DYRK1A: variants seen among roughly 807,000 people sequenced by gnomAD.
The protein encoded by DYRK1A is dual specificity tyrosine phosphorylation regulated kinase 1A.
In DYRK1A, 9 loss-of-function variants were observed where a neutral mutation model predicts 79.7. That is an observed-to-expected ratio of 0.11 (90% confidence interval 0.07 to 0.20). The LOEUF (loss-of-function observed/expected upper bound fraction) is 0.20. Ranked by LOEUF, DYRK1A falls within the 10% of genes least tolerant of loss-of-function variation. DYRK1A has a pLI of 1.00. For missense variants in DYRK1A, 622 were observed against 956.0 expected (o/e 0.65, Z 4.61); for synonymous variants, 349 against 329.7 (o/e 1.06, Z -0.63).
At chr21:37,472,044 G>A (rs934395114) in intron 2 of DYRK1A, among the ~76,000 whole-genome samples, 1 of 152,074 alleles carries the variant, frequency 6.6e-6, no homozygotes, top group Non-Finnish European at 1.5e-5. Context: ...GATAATTATT[G>A]GTTATTTTTT....
At chr21:37,453,323 T>G (rs1290301375) in intron 2 of DYRK1A, among the ~76,000 whole-genome samples, 2 of 152,230 alleles carry the variant, frequency 1.3e-5, no homozygotes, top group African/African-American at 4.8e-5. Flanking sequence ...TAGCCACATA[T>G]GACTATTGTT....
At chr21:37,474,078 A>G (rs1250183645) in intron 3 of DYRK1A, among the ~76,000 whole-genome samples, 1 of 152,190 alleles carries the variant, frequency 6.6e-6, no homozygotes. Context: ...TTCACAGCTG[A>G]AAGGACTGCG....
chr21:37,507,138 C>T (rs13052269), intron 11 of DYRK1A, among the ~76,000 whole-genome samples: 6,460 of 152,278 alleles, frequency 0.042, 176 homozygotes, highest in Middle Eastern at 0.092. Flanking sequence ...CAGGAACTCT[C>T]TCCACTTTGT....
chr21:37,437,813 ATTG>A (rs1404995778), intron 2 of DYRK1A, among the ~76,000 whole-genome samples: 1 of 152,188 alleles, frequency 6.6e-6, no homozygotes, highest in Non-Finnish European at 1.5e-5. Context: ...TGCTATGAAT[ATTG>A]TTGTACAACT....
At chr21:37,387,737 A>G (rs942409510) in intron 1 of DYRK1A, among the ~76,000 whole-genome samples, 4 of 152,190 alleles carry the variant, frequency 2.6e-5, no homozygotes, top group Admixed American at 2.6e-4. Context: ...AAAAGGGTAC[A>G]TGGGAGGCTA....
intron 2 of DYRK1A, among the ~76,000 whole-genome samples, chr21:37,467,811 A>AGTAGTGTCT (rs1179721895): frequency 6.6e-6 from 1 of 152,126 alleles, no homozygotes; most frequent in East Asian, 1.9e-4. Flanking sequence ...AATATGTGAG[A>AGTAGTGTCT]GTAGTGTCTG....
At position 37,389,211 on chromosome 21, in the gene DYRK1A, G is replaced by GTA. The variant is rs75131809; in HGVS notation, c.-77+21596_-77+21597dup. On this transcript the variant is annotated intron_variant, in intron 1 of 11. Coordinates refer to ENST00000647188, the MANE Select transcript of DYRK1A (RefSeq NM_001347721.2). ...TCTCTCTCTCTCTTTTTTTAAAAAA[G>GTA]TATATATATATATAAACAAATACAT... is the stretch of plus-strand genomic sequence containing the variant. 1.4e-3 allele frequency among the ~76,000 whole-genome samples: 208 copies of GTA among 150,364 alleles called. 1 individual carries two copies. The East Asian group carries it at 0.023, about 16-fold the overall frequency.
At chr21:37,413,265 CTG>C (rs1013147645) in intron 1 of DYRK1A, among the ~76,000 whole-genome samples, 9 of 151,944 alleles carry the variant, frequency 5.9e-5, no homozygotes, top group Admixed American at 3.3e-4. Flanking sequence ...TGTTATTTTT[CTG>C]TGTTTCTGAG....
intron 1 of DYRK1A, among the ~76,000 whole-genome samples, chr21:37,408,215 C>A (rs1440501711): frequency 6.6e-6 from 1 of 152,156 alleles, no homozygotes; most frequent in Non-Finnish European, 1.5e-5. Flanking sequence ...CTTTAAATTT[C>A]TTTTAGTTAG....
intron 1 of DYRK1A, among the ~76,000 whole-genome samples, chr21:37,371,847 C>G (rs1042705734): frequency 6.6e-6 from 1 of 152,104 alleles, no homozygotes; most frequent in African/African-American, 2.4e-5. Context: ...AGCATCAACT[C>G]TATTTTAAAT....
chr21:37,424,633 T>C (rs1281666163), intron 2 of DYRK1A, among the ~76,000 whole-genome samples: 1 of 152,218 alleles, frequency 6.6e-6, no homozygotes, highest in Non-Finnish European at 1.5e-5. Context: ...TCCAGGGTAC[T>C]CAGAATGCTT....
chr21:37,383,062 A>T (rs1286782750), intron 1 of DYRK1A, among the ~76,000 whole-genome samples: 1 of 152,128 alleles, frequency 6.6e-6, no homozygotes, highest in Non-Finnish European at 1.5e-5. Flanking sequence ...CTAATTGTTC[A>T]CTTTCCCCAC....
At chr21:37,508,395 C>G (rs1358678106) in intron 11 of DYRK1A, among the ~76,000 whole-genome samples, 1 of 152,234 alleles carries the variant, frequency 6.6e-6, no homozygotes, top group Non-Finnish European at 1.5e-5. Context: ...TCAAGCGAGT[C>G]TCCTGCCTCA....
At chr21:37,506,001 G>T (rs1412398158) in intron 10 of DYRK1A, 98 bp from the exon 11 acceptor site, 1 of 1,365,278 alleles carries the variant, frequency 7.3e-7, no homozygotes, top group Admixed American at 2.3e-5. Flanking sequence ...GTGTGTGTGT[G>T]AGTACTTTCA....
At chr21:37,478,640 T>A (rs2052489381) in intron 4 of DYRK1A, among the ~76,000 whole-genome samples, 1 of 152,192 alleles carries the variant, frequency 6.6e-6, no homozygotes, top group Non-Finnish European at 1.5e-5. Flanking sequence ...TCTAAAAGTA[T>A]ATATGTGTTA....
chr21:37,442,785 C>T (rs2051147843), intron 2 of DYRK1A, among the ~76,000 whole-genome samples: 2 of 152,100 alleles, frequency 1.3e-5, no homozygotes, highest in African/African-American at 4.8e-5. Flanking sequence ...AAAATATTTT[C>T]CATGACATCC....
chr21:37,507,202 C>T (rs773917999), intron 11 of DYRK1A, among the ~76,000 whole-genome samples: 2 of 152,164 alleles, frequency 1.3e-5, no homozygotes, highest in Non-Finnish European at 2.9e-5. Flanking sequence ...CTCCTCTACC[C>T]CTTTTTTGTT....
intron 1 of DYRK1A, among the ~76,000 whole-genome samples, chr21:37,374,461 TC>T (rs1234192285): frequency 6.6e-6 from 1 of 151,784 alleles, no homozygotes; most frequent in Non-Finnish European, 1.5e-5. Flanking sequence ...AACTAATGGT[TC>T]CCAAACAGTC....
At chr21:37,461,021 G>A (rs1383617388) in intron 2 of DYRK1A, among the ~76,000 whole-genome samples, 1 of 152,090 alleles carries the variant, frequency 6.6e-6, no homozygotes, top group Non-Finnish European at 1.5e-5. Flanking sequence ...TCAGCTGTAA[G>A]AATTTGGCTT....
Sources: gnomAD v4.1 joint callset for allele counts (sites outside exome capture counted in the v4.1 genomes callset) on GRCh38, gnomAD v4.1.1 for gene constraint, MANE v1.5 for transcripts, NCBI Gene and HGNC (gene_info 2026-07-23, HGNC 2026-07-21) for gene names.